HTR4: variants seen among roughly 807,000 people sequenced by gnomAD.
HTR4 encodes 5-hydroxytryptamine receptor 4.
A neutral mutation model predicts 36.8 loss-of-function variants in HTR4; 16 were observed. That is an observed-to-expected ratio of 0.43 (90% CI 0.29 to 0.66). The LOEUF (loss-of-function observed/expected upper bound fraction) is 0.66. Among genes scored for constraint, HTR4 ranks in the 30% least tolerant of loss-of-function variants. HTR4 has a pLI of 0.13. For synonymous variants in HTR4, 189 were observed against 185.1 expected (o/e 1.02, Z -0.17); for missense variants, 438 against 490.9 (o/e 0.89, Z 1.02).
chr5:148,464,723 G>T (rs554633654), intron 5 of HTR4, among the ~76,000 whole-genome samples: 6 of 152,260 alleles, frequency 3.9e-5, no homozygotes, highest in African/African-American at 1.4e-4. Context: ...TCCAGCAATT[G>T]AGCTTCTTGG....
At chr5:148,535,192 C>T (rs575761743) in intron 4 of HTR4, among the ~76,000 whole-genome samples, 13 of 152,258 alleles carry the variant, frequency 8.5e-5, no homozygotes, top group African/African-American at 2.6e-4. Flanking sequence ...GTACACAATG[C>T]CTTGGCCCTG....
At chr5:148,516,373 G>T (rs1192250146) in intron 5 of HTR4, among the ~76,000 whole-genome samples, 2 of 131,496 alleles carry the variant, frequency 1.5e-5, no homozygotes, top group Non-Finnish European at 3.1e-5. Context: ...AGGCTGGAGT[G>T]CAATGGCACA....
At chr5:148,615,854 G>A (rs960353100) in intron 2 of HTR4, among the ~76,000 whole-genome samples, 2 of 152,148 alleles carry the variant, frequency 1.3e-5, no homozygotes, top group African/African-American at 4.8e-5. Context: ...TCTCCAGCGG[G>A]AGCCAAAATA....
chr5:148,540,400 G>GTATATATA (rs56021250), intron 4 of HTR4, among the ~76,000 whole-genome samples: 206 of 74,244 alleles, frequency 2.8e-3, no homozygotes, highest in Non-Finnish European at 3.4e-3. Flanking sequence ...TTATGTGTGT[G>GTATATATA]TATATATATA....
At chr5:148,595,541 G>C (rs1404983419) in intron 2 of HTR4, among the ~76,000 whole-genome samples, 1 of 151,982 alleles carries the variant, frequency 6.6e-6, no homozygotes, top group Non-Finnish European at 1.5e-5. Context: ...AACATGAGAA[G>C]GGTGTGCAAA....
Position 148,579,164 on chromosome 5 carries a change from C to T in HTR4, c.27-28902G>A, listed in dbSNP as rs73268398. On this transcript the variant is annotated intron_variant, in intron 2 of 6. Coordinates refer to ENST00000377888, the MANE Select transcript of HTR4 (RefSeq NM_000870.7). ...CTGTACATAAGTGTTTATATGTCAC[C>T]GTTCTTTCTTTAAGTTGAGCCTGGG... 3.8e-3 allele frequency among the ~76,000 whole-genome samples: 571 copies of T among 152,110 alleles called. 1 individual carries two copies. Among genetic ancestry groups the T allele is most frequent in the African/African-American group, 0.013 (546 of 41,510 alleles).
intron 1 of HTR4, among the ~76,000 whole-genome samples, chr5:148,639,367 CT>C (rs1753654389): frequency 6.6e-6 from 1 of 152,050 alleles, no homozygotes; most frequent in Admixed American, 6.6e-5. Context: ...TGCCCCTCCC[CT>C]TTCCCACCCA....
rs1334299648 is a variant in HTR4, at chr5:148,600,998, A to AC, written c.26+35990_26+35991insG. On this transcript the variant is annotated intron_variant, in intron 2 of 6. Transcript: ENST00000377888. ...TAGCAAAAAAAAAAAAAAAAAAAAA[A>AC]AAAAACAAATAATGCAATTAAACAT... is the stretch of plus-strand genomic sequence containing the variant. Among the ~76,000 whole-genome samples the AC allele has an allele frequency of 2.0e-5, 3 of 148,796 alleles. 1 individual carries two copies. The highest frequency in any genetic ancestry group is 4.5e-5 in the Non-Finnish European group (3 of 67,370).
chr5:148,600,349 AT>A (rs34534110), intron 2 of HTR4, among the ~76,000 whole-genome samples: 42,915 of 137,112 alleles, frequency 0.31, 6,996 homozygotes, highest in Non-Finnish European at 0.37. Flanking sequence ...ATATATATAT[AT>A]TTTTTTTTCA....
intron 1 of HTR4, among the ~76,000 whole-genome samples, chr5:148,650,245 G>T (rs999480491): frequency 2.6e-5 from 4 of 152,184 alleles, no homozygotes; most frequent in Non-Finnish European, 5.9e-5. Context: ...TGAGGCTGGT[G>T]AAGCCAGTGC....
intron 2 of HTR4, among the ~76,000 whole-genome samples, chr5:148,595,081 G>GT (rs573047355): frequency 0.13 from 18,540 of 144,768 alleles, 1,206 homozygotes; most frequent in African/African-American, 0.16. Flanking sequence ...TCTGAAAACA[G>GT]TTTTTTTTTT....
intron 2 of HTR4, among the ~76,000 whole-genome samples, chr5:148,569,077 GTT>G (rs571746258): frequency 2.1e-5 from 3 of 146,034 alleles, no homozygotes; most frequent in African/African-American, 7.4e-5. Flanking sequence ...AGACAGAAGA[GTT>G]TTTTTTTTTT....
intron 6 of HTR4, 56 bp downstream of exon 6, chr5:148,509,400 A>T: frequency 7.6e-7 from 1 of 1,323,222 alleles, no homozygotes; most frequent in Non-Finnish European, 1.0e-6. Flanking sequence ...CTGGAGCATT[A>T]CCCCTTCTGA....
At chr5:148,525,746 T>A (rs1024481544) in intron 4 of HTR4, among the ~76,000 whole-genome samples, 1 of 152,236 alleles carries the variant, frequency 6.6e-6, no homozygotes, top group Non-Finnish European at 1.5e-5. Flanking sequence ...CTTAAGCTGG[T>A]GTCATGGGTT....
intron 2 of HTR4, among the ~76,000 whole-genome samples, chr5:148,622,808 G>T (rs190941187): frequency 6.6e-6 from 1 of 152,180 alleles, no homozygotes. Context: ...TTAATATAAG[G>T]TTTTATTACT....
chr5:148,650,304 T>G (rs1038162613), intron 1 of HTR4, among the ~76,000 whole-genome samples: 2 of 152,096 alleles, frequency 1.3e-5, no homozygotes, highest in African/African-American at 4.8e-5. Flanking sequence ...CTTGTTGACA[T>G]AGCACTTAAA....
intron 1 of HTR4, among the ~76,000 whole-genome samples, chr5:148,638,171 ACT>A (rs893029167): frequency 3.3e-5 from 5 of 151,496 alleles, no homozygotes; most frequent in Non-Finnish European, 7.4e-5. Context: ...AAGGACCTCG[ACT>A]CTCTGTGTTT....
rs202064836 is a variant in HTR4 at position 148,637,073 on chromosome 5, G to A, written c.-47-12C>T. ...ATGCCCACAGGGTCCTAAAATGGGG[G>A]AAGTAAAAAGATGTTATAAAAGAAA... On this transcript the variant is annotated splice_polypyrimidine_tract_variant and intron_variant, in intron 1 of 6. Transcript: ENST00000377888. 8.0e-3 allele frequency: 12,471 copies of A among 1,562,920 alleles called. 61 individuals are homozygous for A. The highest frequency in any genetic ancestry group is 9.7e-3 in the Non-Finnish European group (11,003 of 1,137,706).
chr5:148,611,925 C>A (rs1314126303), intron 2 of HTR4, among the ~76,000 whole-genome samples: 1 of 151,882 alleles, frequency 6.6e-6, no homozygotes, highest in Non-Finnish European at 1.5e-5. Flanking sequence ...TCAAAAGAGA[C>A]AAAGAAGGCC....
Sources: allele counts gnomAD v4.1 joint callset (sites outside exome capture counted in the v4.1 genomes callset), GRCh38; gene constraint gnomAD v4.1.1; transcripts MANE v1.5; gene names NCBI Gene and HGNC (gene_info 2026-07-23, HGNC 2026-07-21).